TBC1D5: variants seen among roughly 807,000 people sequenced by gnomAD.
The protein encoded by TBC1D5 is TBC1 domain family member 5, also known as TBC1 domain family, member 5.
Under a neutral mutation model 100.3 loss-of-function variants are expected in TBC1D5, and 75 were observed. That is an observed-to-expected ratio of 0.75 (90% CI 0.62 to 0.91). TBC1D5 has a LOEUF of 0.91. Ranked by LOEUF, TBC1D5 falls within the 40% of genes least tolerant of loss-of-function variation. TBC1D5 has a pLI of 0.00. For synonymous variants in TBC1D5, 323 were observed against 325.6 expected (o/e 0.99, Z 0.09); for missense variants, 910 against 942.4 (o/e 0.97, Z 0.45).
At chr3:17,578,157 A>G (rs1427673174) in intron 2 of TBC1D5, among the ~76,000 whole-genome samples, 1 of 152,070 alleles carries the variant, frequency 6.6e-6, no homozygotes, top group African/African-American at 2.4e-5. Context: ...TGTGTGTTTT[A>G]TACTTTATGG....
chr3:17,347,365 A>C (rs1190933065), intron 13 of TBC1D5, among the ~76,000 whole-genome samples: 1 of 152,172 alleles, frequency 6.6e-6, no homozygotes, highest in Non-Finnish European at 1.5e-5. Flanking sequence ...AAAATAATCT[A>C]GTCTTTTGAA....
In TBC1D5 at chr3:17,534,137, C is replaced by G. The variant is rs183071298; in HGVS notation, c.-35-25532G>C. Reference sequence around the variant, plus strand: ...TCACCCATTTTTATGGAAATGAGGGCCCCTGTTCCAGAATTAGTACAGTTA... The same window carrying G: ...TCACCCATTTTTATGGAAATGAGGGGCCCTGTTCCAGAATTAGTACAGTTA... On this transcript the variant is annotated intron_variant, in intron 2 of 21. Coordinates refer to ENST00000253692, the Ensembl canonical transcript of TBC1D5. Among the ~76,000 whole-genome samples the G allele has an allele frequency of 5.3e-5, 8 of 152,206 alleles. No homozygotes were observed. In the East Asian group the frequency reaches 1.5e-3, roughly 29 times the overall value.
intron 2 of TBC1D5, among the ~76,000 whole-genome samples, chr3:17,590,826 CTAAT>C (rs1326575038): frequency 5.3e-5 from 8 of 152,070 alleles, no homozygotes; most frequent in African/African-American, 1.9e-4. Context: ...TTGGCATTGA[CTAAT>C]TAATCATGGT....
At chr3:17,379,905 T>G (rs1357045830) in intron 9 of TBC1D5, among the ~76,000 whole-genome samples, 1 of 152,060 alleles carries the variant, frequency 6.6e-6, no homozygotes, top group Non-Finnish European at 1.5e-5. Context: ...AATATCTTAT[T>G]GTACCATACT....
intron 19 of TBC1D5, among the ~76,000 whole-genome samples, chr3:17,183,374 ACCAG>A (rs147064941): frequency 0.015 from 2,235 of 152,256 alleles, 56 homozygotes; most frequent in African/African-American, 0.048. Context: ...GTCTCCTTAT[ACCAG>A]CCAGAACTCA....
chr3:17,618,207 G>T (rs1352944285), intron 2 of TBC1D5, among the ~76,000 whole-genome samples: 1 of 152,184 alleles, frequency 6.6e-6, no homozygotes, highest in Non-Finnish European at 1.5e-5. Context: ...GACTCTGTTT[G>T]CCTGGGTATC....
intron 15 of TBC1D5, among the ~76,000 whole-genome samples, chr3:17,266,063 TC>T (rs1437022061): frequency 1.3e-5 from 2 of 152,186 alleles, no homozygotes; most frequent in Non-Finnish European, 2.9e-5. Flanking sequence ...ATTAGATTTA[TC>T]ATAATTCTCC....
chr3:17,406,840 G>A lies in TBC1D5; in HGVS notation c.168-314C>T, dbSNP rs894063064. 3.6e-5 allele frequency: 8 copies of A among 223,418 alleles called. No individual in the cohort carries two copies. The South Asian group carries it at 1.0e-3, about 29-fold the overall frequency. The allele number at this position is 223,418 out of a possible 1,614,324, so 13.8% of individuals were successfully genotyped here. A position where few individuals can be genotyped will look rare whatever the true frequency, so the allele number is the denominator to read the frequency against. On this transcript the variant is annotated intron_variant, in intron 4 of 21. Transcript: ENST00000253692. ...AACAAGAAAAAAATGAATAATATATGACTCTTTTAGCCAATGACAAAAACA... is the reference window on the plus strand; with the variant it reads ...AACAAGAAAAAAATGAATAATATATAACTCTTTTAGCCAATGACAAAAACA...
At chr3:17,646,812 T>C (rs1008726093) in intron 1 of TBC1D5, 4 of 151,924 alleles carry the variant, frequency 2.6e-5, no homozygotes, top group Non-Finnish European at 4.4e-5. Flanking sequence ...TGGGTAAATG[T>C]GCAGGTTTGG....
At chr3:17,346,931 A>G (rs1575454960) in intron 13 of TBC1D5, among the ~76,000 whole-genome samples, 1 of 152,164 alleles carries the variant, frequency 6.6e-6, no homozygotes, top group Non-Finnish European at 1.5e-5. Context: ...AGTATAAGCT[A>G]ATTTGTATAA....
chr3:17,260,900 C>A (rs988094696), intron 15 of TBC1D5, among the ~76,000 whole-genome samples: 3 of 152,188 alleles, frequency 2.0e-5, no homozygotes, highest in Non-Finnish European at 4.4e-5. Flanking sequence ...AGATACTTCA[C>A]ATTGTTCCTT....
In TBC1D5 at chr3:17,578,545, T is replaced by C. The variant is rs139856053; in HGVS notation, c.-36+45304A>G. Among the ~76,000 whole-genome samples the C allele has an allele frequency of 9.9e-3, 1,513 of 152,116 alleles. 28 individuals carry two copies. Among genetic ancestry groups the C allele is most frequent in the African/African-American group, 0.034 (1,417 of 41,564 alleles). On this transcript the variant is annotated intron_variant, in intron 2 of 21. Transcript: ENST00000253692. ...GGAAATTAGATTAACACATAAGACA[T>C]AGTGAAAGCACATGTATTTTACAAA...
intron 1 of TBC1D5, among the ~76,000 whole-genome samples, chr3:17,711,734 G>A (rs535664916): frequency 1.3e-5 from 2 of 152,276 alleles, no homozygotes; most frequent in East Asian, 1.9e-4. Context: ...ACATTGCAAT[G>A]TATAAATATG....
chr3:17,264,949 T>G (rs1054893172), intron 15 of TBC1D5, among the ~76,000 whole-genome samples: 2 of 152,246 alleles, frequency 1.3e-5, no homozygotes, highest in Non-Finnish European at 2.9e-5. Context: ...TGTTTCATAC[T>G]TCAAATAGTT....
intron 17 of TBC1D5, among the ~76,000 whole-genome samples, chr3:17,232,980 T>C (rs921113728): frequency 1.3e-5 from 2 of 152,208 alleles, no homozygotes; most frequent in African/African-American, 2.4e-5. Flanking sequence ...CTCTATCGCA[T>C]ATTTCATCTA....
At chr3:17,451,639 G>A (rs1300302629) in intron 3 of TBC1D5, among the ~76,000 whole-genome samples, 1 of 152,186 alleles carries the variant, frequency 6.6e-6, no homozygotes, top group African/African-American at 2.4e-5. Context: ...GGAGGGGAAG[G>A]GGAGGGATAG....
chr3:17,319,786 T>C (rs111784573), intron 13 of TBC1D5, among the ~76,000 whole-genome samples: 13,616 of 151,966 alleles, frequency 0.09, 1,395 homozygotes, highest in African/African-American at 0.25. Context: ...AGGAGAATGG[T>C]GTGAACCCGG....
intron 2 of TBC1D5, among the ~76,000 whole-genome samples, chr3:17,615,861 G>T (rs991037021): frequency 1.3e-5 from 2 of 152,034 alleles, no homozygotes; most frequent in African/African-American, 2.4e-5. Context: ...TGCATTTTTT[G>T]AAGCATTTTT....
At chr3:17,473,263 T>A (rs2150162801) in intron 3 of TBC1D5, among the ~76,000 whole-genome samples, 1 of 152,296 alleles carries the variant, frequency 6.6e-6, no homozygotes, top group East Asian at 1.9e-4. Context: ...GTTTTTTAAG[T>A]GTCGATACCT....
Sources: allele counts gnomAD v4.1 joint callset (sites outside exome capture counted in the v4.1 genomes callset), GRCh38; gene constraint gnomAD v4.1.1; transcripts MANE v1.5; gene names NCBI Gene and HGNC (gene_info 2026-07-23, HGNC 2026-07-21).